Variants in FHIT observed in about 807,000 individuals in gnomAD.
FHIT encodes bis(5'-adenosyl)-triphosphatase.
Under a neutral mutation model 17.9 loss-of-function variants are expected in FHIT, and 19 were observed. The observed-to-expected ratio is 1.06, with a 90% CI of 0.74 to 1.56. The LOEUF (loss-of-function observed/expected upper bound fraction) is 1.56. FHIT is among the 40% of genes most tolerant of loss of function. The probability of loss-of-function intolerance (pLI) is 0.00; values close to 1 mark genes in which losing one functional copy is unlikely to be tolerated. For missense variants in FHIT, 248 were observed against 189.2 expected, an observed-to-expected ratio of 1.31 and a Z score of -1.82; for synonymous variants, 81 against 69.7, an observed-to-expected ratio of 1.16 and a Z score of -0.81.
At chr3:61,108,305 T>A (rs532145075) in intron 2 of FHIT, among the ~76,000 whole-genome samples, 1 of 152,296 alleles carries the variant, frequency 6.6e-6, no homozygotes, top group Admixed American at 6.5e-5. Context: ...TAAGTAATCA[T>A]TTATCCTAAC....
intron 4 of FHIT, among the ~76,000 whole-genome samples, chr3:60,682,042 G>A (rs1258138327): frequency 6.6e-6 from 1 of 151,288 alleles, no homozygotes; most frequent in African/African-American, 2.4e-5. Context: ...TGCGATCTCA[G>A]CTCACTGCAA....
chr3:59,863,875 ATCAACAAATATT>A (rs1301757440), intron 8 of FHIT, among the ~76,000 whole-genome samples: 2 of 152,222 alleles, frequency 1.3e-5, no homozygotes, highest in East Asian at 3.9e-4. Flanking sequence ...TTTAAGAGCC[ATCAACAAATATT>A]TCTAGCTTGT....
chr3:61,213,077 C>G (rs1194607515), intron 1 of FHIT, among the ~76,000 whole-genome samples: 3 of 152,310 alleles, frequency 2.0e-5, no homozygotes, highest in African/African-American at 7.2e-5. Flanking sequence ...ACCATCAAGG[C>G]TAGGAAGAAA....
At position 60,701,294 on chromosome 3, in the gene FHIT, G is replaced by A. The variant is rs183125926; in HGVS notation, c.-18+120625C>T. Among the ~76,000 whole-genome samples, 5 of 151,966 alleles carry A rather than the reference G, an allele frequency of 3.3e-5. No individual in the cohort carries two copies. In the East Asian group the frequency reaches 9.7e-4, roughly 30 times the overall value. ...ATGTGCCACTGTAATTGCCCAGTGGGTTCTCCTTGCCTACTGCCTAGACAG... is the reference window on the plus strand; with the variant it reads ...ATGTGCCACTGTAATTGCCCAGTGGATTCTCCTTGCCTACTGCCTAGACAG... On this transcript the variant is annotated intron_variant, in intron 4 of 9. Transcript: ENST00000492590.
At chr3:60,841,028 G>C (rs531737217) in intron 3 of FHIT, among the ~76,000 whole-genome samples, 1 of 152,196 alleles carries the variant, frequency 6.6e-6, no homozygotes, top group South Asian at 2.1e-4. Context: ...TTTTACTTTA[G>C]ACTCTATTCC....
chr3:61,179,075 A>T (rs1465989028), intron 2 of FHIT, among the ~76,000 whole-genome samples: 1 of 138,730 alleles, frequency 7.2e-6, no homozygotes, highest in Non-Finnish European at 1.5e-5. Flanking sequence ...CAGCAGTGCG[A>T]TCTTGGCTCA....
At chr3:60,472,155 G>T (rs2033120070) in intron 5 of FHIT, among the ~76,000 whole-genome samples, 2 of 109,662 alleles carry the variant, frequency 1.8e-5, no homozygotes, top group African/African-American at 9.2e-5. Flanking sequence ...CTACTTTTTT[G>T]TTAAAAAAAA....
intron 8 of FHIT, among the ~76,000 whole-genome samples, chr3:59,914,443 C>T (rs532467355): frequency 3.3e-5 from 5 of 152,218 alleles, no homozygotes; most frequent in Non-Finnish European, 7.4e-5. Flanking sequence ...AGGATTCCTT[C>T]CTGCTGGCAT....
chr3:60,624,210 G>A (rs928212814), intron 4 of FHIT, among the ~76,000 whole-genome samples: 12 of 152,222 alleles, frequency 7.9e-5, no homozygotes, highest in Admixed American at 7.8e-4. Flanking sequence ...ATGCAGTTCA[G>A]TGGTGCCAGA....
chr3:60,768,222 T>C (rs1169564610), intron 4 of FHIT, among the ~76,000 whole-genome samples: 1 of 152,200 alleles, frequency 6.6e-6, no homozygotes, highest in Non-Finnish European at 1.5e-5. Flanking sequence ...CCTGAGGTAT[T>C]GTTCCACGTT....
chr3:60,091,736 A>C (rs1703742075), intron 5 of FHIT, among the ~76,000 whole-genome samples: 2 of 152,094 alleles, frequency 1.3e-5, no homozygotes, highest in Non-Finnish European at 1.5e-5. Context: ...GCTGTTTAAA[A>C]GTGTGCGGCA....
intron 5 of FHIT, among the ~76,000 whole-genome samples, chr3:60,506,504 A>C (rs1398086579): frequency 6.6e-6 from 1 of 152,134 alleles, no homozygotes; most frequent in Admixed American, 6.5e-5. Context: ...AGATGGCACC[A>C]TTTTCTTCAC....
At chr3:60,475,003 T>C (rs1443943749) in intron 5 of FHIT, among the ~76,000 whole-genome samples, 1 of 152,090 alleles carries the variant, frequency 6.6e-6, no homozygotes, top group Non-Finnish European at 1.5e-5. Context: ...ATGAACCAGG[T>C]TGAGTTATCT....
intron 5 of FHIT, among the ~76,000 whole-genome samples, chr3:60,204,372 C>T (rs6765672): frequency 0.24 from 37,012 of 151,862 alleles, 4,522 homozygotes; most frequent in African/African-American, 0.25. Context: ...TGGGCTCAAG[C>T]GATCCTCCCA....
chr3:60,124,314 C>T (rs1189541648), intron 5 of FHIT, among the ~76,000 whole-genome samples: 1 of 151,838 alleles, frequency 6.6e-6, no homozygotes, highest in Non-Finnish European at 1.5e-5. Flanking sequence ...CAATTATGCT[C>T]AGAAAGGCTT....
chr3:60,252,523 T>C (rs1388696643), intron 5 of FHIT, among the ~76,000 whole-genome samples: 1 of 151,986 alleles, frequency 6.6e-6, no homozygotes, highest in Non-Finnish European at 1.5e-5. Context: ...ATGATCATGC[T>C]ACTGCACTCT....
chr3:60,685,419 G>A (rs1372377581), intron 4 of FHIT, among the ~76,000 whole-genome samples: 1 of 152,068 alleles, frequency 6.6e-6, no homozygotes, highest in African/African-American at 2.4e-5. Flanking sequence ...ATACTAAAAT[G>A]GACGGGAGAA....
chr3:60,189,553 G>T (rs1350341162), intron 5 of FHIT, among the ~76,000 whole-genome samples: 1 of 152,144 alleles, frequency 6.6e-6, no homozygotes, highest in African/African-American at 2.4e-5. Flanking sequence ...GACCACAGAA[G>T]AATGACTTTT....
At chr3:59,877,300 G>A (rs889930757) in intron 8 of FHIT, among the ~76,000 whole-genome samples, 2 of 152,134 alleles carry the variant, frequency 1.3e-5, no homozygotes, top group East Asian at 3.9e-4. Flanking sequence ...AATTCTTTCA[G>A]GTTTTTCCTA....
Sources: gnomAD v4.1 joint callset for allele counts (sites outside exome capture counted in the v4.1 genomes callset) on GRCh38, gnomAD v4.1.1 for gene constraint, MANE v1.5 for transcripts, NCBI Gene and HGNC (gene_info 2026-07-23, HGNC 2026-07-21) for gene names.